Variants in PMM2 observed in about 807,000 individuals in gnomAD.
PMM2 encodes phosphomannomutase 2, also known as mannose-6-phosphate isomerase.
In PMM2, 35 loss-of-function variants were observed where a neutral mutation model predicts 33.2. The observed-to-expected ratio is 1.06, with a 90% CI of 0.81 to 1.40. PMM2 has a LOEUF of 1.40. Among genes scored for constraint, PMM2 ranks in the 40% most tolerant of loss-of-function variants. The probability of loss-of-function intolerance (pLI) is 0.00; values close to 1 mark genes in which losing one functional copy is unlikely to be tolerated. For missense variants in PMM2, 386 were observed against 306.0 expected, an observed-to-expected ratio of 1.26 and a Z score of -1.95; for synonymous variants, 153 against 114.7, an observed-to-expected ratio of 1.33 and a Z score of -2.13.
At chr16:8,847,455 A>G (rs2060934381) in intron 7 of PMM2, among the ~76,000 whole-genome samples, 1 of 151,882 alleles carries the variant, frequency 6.6e-6, no homozygotes, top group South Asian at 2.1e-4. Flanking sequence ...TAAGCCTTAG[A>G]CAGATCTTCG....
rs906564033 is a variant in PMM2 at position 8,848,582 on chromosome 16, G to A, written c.*757G>A. 6.6e-6 allele frequency: 1 copy of A among 152,444 alleles called. No homozygotes were observed. Among genetic ancestry groups the A allele is most frequent in the Non-Finnish European group, 1.5e-5 (1 of 68,222 alleles). The allele number at this position is 152,444 out of a possible 1,614,324, so 9.4% of individuals were successfully genotyped here. On this transcript the variant is annotated 3_prime_UTR_variant, in exon 8 of 8. Coordinates refer to ENST00000268261, the MANE Select transcript of PMM2 (RefSeq NM_000303.3). ...CCGGAGGTAGTGGGAACCAACAGCT[G>A]GGCTGGAGAGTTGGTGCTGGCAAAA...
At chr16:8,846,165 G>T (rs189176198) in intron 7 of PMM2, among the ~76,000 whole-genome samples, 1 of 152,146 alleles carries the variant, frequency 6.6e-6, no homozygotes, top group African/African-American at 2.4e-5. Flanking sequence ...GCCCAGCGAC[G>T]TTCCCTCCTG....
At chr16:8,846,366 G>T (rs1234113668) in intron 7 of PMM2, among the ~76,000 whole-genome samples, 1 of 152,138 alleles carries the variant, frequency 6.6e-6, no homozygotes, top group Admixed American at 6.5e-5. Context: ...CTACGGTTGT[G>T]TTCATTGTAT....
chr16:8,836,103 A>G (rs1413556548), intron 7 of PMM2, among the ~76,000 whole-genome samples: 2 of 151,700 alleles, frequency 1.3e-5, no homozygotes, highest in East Asian at 1.9e-4. Context: ...CTGGCCGTCA[A>G]TACCCACAAC....
rs556516068 is a variant in PMM2, at chr16:8,840,999, A to G, written c.640-6725A>G. ...TGGGGCCAAGCAAGAAAGTGCGTCC[A>G]TATAAAAGTTCAAATGGACTGTACC... is the stretch of plus-strand genomic sequence containing the variant. On this transcript the variant is annotated intron_variant, in intron 7 of 7. Coordinates refer to ENST00000268261, the MANE Select transcript of PMM2 (RefSeq NM_000303.3). Among the ~76,000 whole-genome samples, 6 of 152,178 alleles carry G rather than the reference A, an allele frequency of 3.9e-5. No homozygotes were observed. The South Asian group carries it at 1.0e-3, about 26-fold the overall frequency.
In PMM2 at chr16:8,849,002, C is replaced by G. The variant is rs941392024; in HGVS notation, c.*1177C>G. 2.6e-5 allele frequency: 4 copies of G among 152,270 alleles called. No homozygotes were observed. Among genetic ancestry groups the G allele is most frequent in the Non-Finnish European group, 5.9e-5 (4 of 68,066 alleles). The allele number at this position is 152,270 out of a possible 1,614,324, so 9.4% of individuals were successfully genotyped here. Reference sequence around the variant, plus strand: ...ATGTGGAAACACTGAGCCATACACCCTCCATTGCTTGGTGCTGGGGTTGTG... The same window carrying G: ...ATGTGGAAACACTGAGCCATACACCGTCCATTGCTTGGTGCTGGGGTTGTG... On this transcript the variant is annotated 3_prime_UTR_variant, in exon 8 of 8. Transcript: ENST00000268261.
rs1555449114 is a variant in PMM2, at chr16:8,804,038, T to TTG, written c.179-728_179-727insGT. Among the ~76,000 whole-genome samples, 155 of 43,362 alleles carry TTG rather than the reference T, an allele frequency of 3.6e-3. 4 individuals carry two copies. Among genetic ancestry groups the TTG allele is most frequent in the Non-Finnish European group, 6.0e-3 (85 of 14,210 alleles). 28.4% of individuals were successfully genotyped at this position (43,362 alleles called of 152,430 possible). A position where few individuals can be genotyped will look rare whatever the true frequency, so the allele number is the denominator to read the frequency against. On this transcript the variant is annotated intron_variant, in intron 2 of 7. Coordinates refer to ENST00000268261, the MANE Select transcript of PMM2 (RefSeq NM_000303.3). ...GTTTTTTGGGTTTTTTTTGTTTTTTTTTTTTTTTTTTTTGACGTTAGACAG... is the reference window on the plus strand; with the variant it reads ...GTTTTTTGGGTTTTTTTTGTTTTTTTTGTTTTTTTTTTTTTGACGTTAGACAG...
chr16:8,803,997 T>C (rs2060630019), intron 2 of PMM2, among the ~76,000 whole-genome samples: 1 of 150,688 alleles, frequency 6.6e-6, no homozygotes, highest in Non-Finnish European at 1.5e-5. Context: ...AAAGGTCTTT[T>C]AGTGCTTTGT....
intron 7 of PMM2, among the ~76,000 whole-genome samples, chr16:8,817,458 C>CTTGATG: frequency 6.6e-6 from 1 of 152,180 alleles, no homozygotes; most frequent in Non-Finnish European, 1.5e-5. Context: ...GCAGATTGTT[C>CTTGATG]TGTAATGATG....
intron 7 of PMM2, among the ~76,000 whole-genome samples, chr16:8,827,719 CAT>C (rs60052078): frequency 0.028 from 1,839 of 66,424 alleles, 19 homozygotes; most frequent in Middle Eastern, 0.034. Flanking sequence ...TAAATGTGTG[CAT>C]ATATATATAT....
At chr16:8,803,871 A>G (rs1020551053) in intron 2 of PMM2, among the ~76,000 whole-genome samples, 2 of 150,232 alleles carry the variant, frequency 1.3e-5, no homozygotes, top group African/African-American at 4.9e-5. Context: ...TTTAGTAGAG[A>G]CGGGGTTTTA....
chr16:8,810,794 A>C (rs191059243), intron 4 of PMM2: 1 of 446,966 alleles, frequency 2.2e-6, no homozygotes, highest in East Asian at 4.7e-5. Context: ...CCAGGCTCAA[A>C]ATATGAGCAT....
At chr16:8,845,812 TA>T (rs1306314579) in intron 7 of PMM2, among the ~76,000 whole-genome samples, 45 of 143,942 alleles carry the variant, frequency 3.1e-4, no homozygotes, top group Admixed American at 2.6e-3. Flanking sequence ...TTTTTTTTTT[TA>T]ATTAGAAGAA....
At chr16:8,836,274 T>C (rs556065967) in intron 7 of PMM2, among the ~76,000 whole-genome samples, 26 of 152,086 alleles carry the variant, frequency 1.7e-4, no homozygotes, top group South Asian at 8.3e-4. Context: ...GATTGGGCAG[T>C]GTCAGTCTTC....
chr16:8,799,261 GGGTTTACATT>G (rs1483129687), intron 1 of PMM2, among the ~76,000 whole-genome samples: 1 of 152,134 alleles, frequency 6.6e-6, no homozygotes, highest in Non-Finnish European at 1.5e-5. Context: ...TAGTGGTCTA[GGGTTTACATT>G]GCCACCCTTT....
intron 7 of PMM2, among the ~76,000 whole-genome samples, chr16:8,837,667 C>G (rs1021048102): frequency 3.3e-5 from 5 of 151,812 alleles, no homozygotes; most frequent in African/African-American, 1.2e-4. Flanking sequence ...GTACTTACCC[C>G]TCCCCTAGAA....
At chr16:8,801,397 G>A (rs1337071601) in intron 1 of PMM2, among the ~76,000 whole-genome samples, 1 of 152,188 alleles carries the variant, frequency 6.6e-6, no homozygotes, top group Non-Finnish European at 1.5e-5. Flanking sequence ...AAGGCTTATA[G>A]ACCTGGCTTA....
At chr16:8,839,711 TTGAG>T (rs1481037646) in intron 7 of PMM2, among the ~76,000 whole-genome samples, 3 of 151,804 alleles carry the variant, frequency 2.0e-5, no homozygotes, top group East Asian at 1.9e-4. Context: ...CTCCCATTGT[TTGAG>T]TGATGTGTGT....
chr16:8,801,600 A>T (rs1297396334), intron 1 of PMM2, among the ~76,000 whole-genome samples, 199 bp from the exon 2 acceptor site: 2 of 152,210 alleles, frequency 1.3e-5, no homozygotes, highest in Non-Finnish European at 2.9e-5. Flanking sequence ...GAGTCCAGGG[A>T]GGTCGAGGCT....
Sources: gnomAD v4.1 joint callset for allele counts (sites outside exome capture counted in the v4.1 genomes callset) on GRCh38, gnomAD v4.1.1 for gene constraint, MANE v1.5 for transcripts, NCBI Gene and HGNC (gene_info 2026-07-23, HGNC 2026-07-21) for gene names.